SPAG17: variants seen among roughly 807,000 people sequenced by gnomAD.
SPAG17 encodes sperm-associated antigen 17.
A neutral mutation model predicts 273.6 loss-of-function variants in SPAG17; 169 were observed. The observed-to-expected ratio is 0.62, with a 90% CI of 0.55 to 0.70. SPAG17 has a LOEUF of 0.70. Ranked by LOEUF, SPAG17 falls within the 30% of genes least tolerant of loss-of-function variation. The probability of loss-of-function intolerance (pLI) is 0.00; values close to 1 mark genes in which losing one functional copy is unlikely to be tolerated. For missense variants in SPAG17, 2,557 were observed against 2,627.8 expected (o/e 0.97, Z 0.59); for synonymous variants, 825 against 873.2 (o/e 0.94, Z 0.97).
At chr1:118,061,460 T>C (rs1652286052) in intron 18 of SPAG17, among the ~76,000 whole-genome samples, 2 of 152,334 alleles carry the variant, frequency 1.3e-5, no homozygotes, top group Non-Finnish European at 2.9e-5. Context: ...TACCGGCTGA[T>C]TCCACTTATA....
intron 25 of SPAG17, among the ~76,000 whole-genome samples, chr1:118,031,051 C>T (rs1648397133): frequency 6.6e-6 from 1 of 152,052 alleles, no homozygotes; most frequent in Non-Finnish European, 1.5e-5. Flanking sequence ...AATGTACACT[C>T]CCACCAACAG....
chr1:117,984,017 C>T, intron 41 of SPAG17, 104 bp from the exon 42 acceptor site: 1 of 557,484 alleles, frequency 1.8e-6, no homozygotes, highest in Non-Finnish European at 3.1e-6. Context: ...TTTTTAATGC[C>T]CTGAAAATAA....
chr1:118,097,584 A>G (rs1053357670), intron 7 of SPAG17, 86 bp downstream of exon 7: 14 of 1,096,914 alleles, frequency 1.3e-5, no homozygotes, highest in Non-Finnish European at 1.6e-5. Flanking sequence ...GCGCTCAGTA[A>G]CTATCTATGT....
chr1:117,961,948 C>G (rs192704181), intron 48 of SPAG17: 39 of 151,944 alleles, frequency 2.6e-4, no homozygotes, highest in Admixed American at 1.6e-3. Flanking sequence ...GAAGTTGATT[C>G]AATATCCTTC....
In SPAG17 at chr1:117,983,912, T is replaced by C. The variant is rs1174522316; in HGVS notation, c.5771A>G (p.Tyr1924Cys). 2 of 1,584,018 alleles carry C rather than the reference T, an allele frequency of 1.3e-6. No individual in the cohort carries two copies. The highest frequency in any genetic ancestry group is 2.2e-5 in the East Asian group (1 of 44,626). The change falls in exon 42 of 49, where the codon TAT becomes TGT. Residue 1924 changes from tyrosine to cysteine, a missense_variant and splice_region_variant. Coordinates refer to ENST00000336338, the MANE Select transcript of SPAG17 (RefSeq NM_206996.4). ...TTTGGAAAGACTGTCCAGGTGATTA[T>C]ACTGAAAGGAAAAAAAAACTTATTT... Reference protein sequence around the residue: ...SELNQLYQSQYNHLDSLSKKL... With the variant: ...SELNQLYQSQCNHLDSLSKKL...
intron 17 of SPAG17, among the ~76,000 whole-genome samples, chr1:118,071,025 T>C (rs886760286): frequency 6.6e-6 from 1 of 152,112 alleles, no homozygotes; most frequent in African/African-American, 2.4e-5. Flanking sequence ...TAGACTTTTT[T>C]TTTTTCATGG....
intron 32 of SPAG17, among the ~76,000 whole-genome samples, chr1:117,997,030 T>C (rs185209774): frequency 6.3e-4 from 96 of 152,200 alleles, no homozygotes; most frequent in African/African-American, 2.1e-3. Context: ...ACTGTGAAGA[T>C]AGGTTCAAGA....
chr1:117,985,759 C>G (rs142958543), intron 40 of SPAG17, among the ~76,000 whole-genome samples: 50 of 152,238 alleles, frequency 3.3e-4, no homozygotes, highest in Non-Finnish European at 6.3e-4. Context: ...TACATTTAAT[C>G]TTACAATAAC....
chr1:118,174,090 T>C (rs918923583), intron 1 of SPAG17, among the ~76,000 whole-genome samples: 5 of 152,152 alleles, frequency 3.3e-5, no homozygotes, highest in South Asian at 2.1e-4. Flanking sequence ...CATGGCCCCA[T>C]TGAAATCAAC....
intron 44 of SPAG17, among the ~76,000 whole-genome samples, chr1:117,972,513 C>A (rs1017668543): frequency 5.3e-5 from 8 of 152,190 alleles, no homozygotes; most frequent in African/African-American, 1.9e-4. Context: ...GGTCAGGCAA[C>A]CACACTTTGA....
chr1:118,008,205 G>A lies in SPAG17; in HGVS notation c.4433-7C>T. ...ACAGTCCGAGGACCCTCGGCTACAA[G>A]CAAATGCAAGGTAAGCAGATCTGAT... On this transcript the variant is annotated splice_region_variant and splice_polypyrimidine_tract_variant and intron_variant, in intron 30 of 48. Transcript: ENST00000336338. The A allele has an allele frequency of 1.2e-6, 2 of 1,613,438 alleles. No individual in the cohort carries two copies. The highest frequency in any genetic ancestry group is 1.3e-5 in the African/African-American group (1 of 75,038).
chr1:118,144,683 G>A (rs773276010), intron 3 of SPAG17, among the ~76,000 whole-genome samples: 1 of 152,196 alleles, frequency 6.6e-6, no homozygotes, highest in Non-Finnish European at 1.5e-5. Context: ...TGTGGGCCAC[G>A]TTCTGTAGGC....
At position 118,185,098 on chromosome 1, in the gene SPAG17, G is replaced by C. The variant is rs909072659; in HGVS notation, c.60C>G (p.Pro20=). 6.2e-7 allele frequency: 1 copy of C among 1,614,064 alleles called. No homozygotes were observed. Among genetic ancestry groups the C allele is most frequent in the Non-Finnish European group, 8.5e-7 (1 of 1,180,016 alleles). Residue 20 remains proline (P), a synonymous_variant, in exon 1 of 49, where the codon CCC becomes CCG. Coordinates refer to ENST00000336338, the MANE Select transcript of SPAG17 (RefSeq NM_206996.4). ...GATTGAACTGTGCAGCTATGAGCGA[G>C]GGTTCCCATATCTTAGAACTGGTGT... is the stretch of plus-strand genomic sequence containing the variant. ...TVNTSSKIWE[P]SLIAAQFNQN...
chr1:118,107,142 GAAGAC>G (rs1316839658), intron 4 of SPAG17, among the ~76,000 whole-genome samples: 1 of 152,116 alleles, frequency 6.6e-6, no homozygotes, highest in Non-Finnish European at 1.5e-5. Context: ...GAGTTTGTCC[GAAGAC>G]ACACAACTGT....
At position 118,012,205 on chromosome 1, in the gene SPAG17, T is replaced by A. The variant is rs139243785; in HGVS notation, c.4432+23A>T. The A allele has an allele frequency of 5.6e-6, 9 of 1,603,284 alleles. No individual in the cohort carries two copies. In the South Asian group the frequency reaches 8.8e-5, roughly 16 times the overall value. ...GCTAAAGAGTTATAAAATATTGTCA[T>A]GTACTCAGAAAATAAAACATACTTG... On this transcript the variant is annotated intron_variant, in intron 30 of 48. Transcript: ENST00000336338.
At position 118,124,180 on chromosome 1, in the gene SPAG17, C is replaced by T. The variant is rs150149979; in HGVS notation, c.316-8739G>A. On this transcript the variant is annotated intron_variant, in intron 3 of 48. Coordinates refer to ENST00000336338, the MANE Select transcript of SPAG17 (RefSeq NM_206996.4). ...TCTTTAGGTGTGTATTAGCAACAAA[C>T]GATTCTACTATCATGGCAATGTTTT... 2.4e-3 allele frequency among the ~76,000 whole-genome samples: 373 copies of T among 152,266 alleles called. 5 individuals carry two copies. Among genetic ancestry groups the T allele is most frequent in the African/African-American group, 8.6e-3 (358 of 41,562 alleles).
intron 27 of SPAG17, 99 bp from the exon 28 acceptor site, chr1:118,023,562 C>T (rs1443149633): frequency 3.4e-6 from 4 of 1,181,952 alleles, no homozygotes; most frequent in Non-Finnish European, 4.6e-6. Flanking sequence ...TCAAAATGAT[C>T]CACAGAAGAA....
intron 43 of SPAG17, among the ~76,000 whole-genome samples, chr1:117,979,586 T>A (rs535409862): frequency 1.3e-5 from 2 of 152,300 alleles, no homozygotes; most frequent in Admixed American, 1.3e-4. Flanking sequence ...GTGATCTTTT[T>A]AAAATAAAAA....
intron 1 of SPAG17, among the ~76,000 whole-genome samples, chr1:118,173,759 C>G (rs944414771): frequency 1.3e-5 from 2 of 151,270 alleles, no homozygotes; most frequent in Non-Finnish European, 2.9e-5. Context: ...CTACTTGAGG[C>G]TGACTTGGGA....
Sources: gnomAD v4.1 joint callset for allele counts (sites outside exome capture counted in the v4.1 genomes callset) on GRCh38, gnomAD v4.1.1 for gene constraint, MANE v1.5 for transcripts, NCBI Gene and HGNC (gene_info 2026-07-23, HGNC 2026-07-21) for gene names.